The following STK33 variants were observed in gnomAD, a reference collection of about 807,000 sequenced individuals.
The protein encoded by STK33 is serine/threonine-protein kinase 33.
Under a neutral mutation model 58.0 loss-of-function variants are expected in STK33, and 52 were observed. The observed-to-expected ratio is 0.90, with a 90% CI of 0.72 to 1.13. The LOEUF is 1.13. STK33 is among the 50% of genes most tolerant of loss of function. The pLI, the probability that STK33 is intolerant of heterozygous loss-of-function variation, is 0.00. For missense variants in STK33, 630 were observed against 604.2 expected, an observed-to-expected ratio of 1.04 and a Z score of -0.45; for synonymous variants, 215 against 200.1, an observed-to-expected ratio of 1.07 and a Z score of -0.63.
At chr11:8,378,386 T>TG in the STK33 span, among the ~76,000 whole-genome samples, 59 of 105,436 alleles carry the variant, frequency 5.6e-4, no homozygotes, top group Non-Finnish European at 1.2e-3. Context: ...GGCATGGTGG[T>TG]GCATGCCTGT....
chr11:8,368,372 A>G, the STK33 span, among the ~76,000 whole-genome samples: 2 of 152,178 alleles, frequency 1.3e-5, no homozygotes, highest in Admixed American at 6.5e-5. Context: ...CTCTTGCCCA[A>G]GGAGGGTCCC....
the STK33 span, among the ~76,000 whole-genome samples, chr11:8,378,521 A>T: frequency 6.6e-6 from 1 of 152,222 alleles, no homozygotes; most frequent in Admixed American, 6.5e-5. Context: ...TCCATCTCAA[A>T]AAACAGACAA....
chr11:8,425,366 C>T (rs537894605), intron 14 of STK33, among the ~76,000 whole-genome samples: 26 of 152,208 alleles, frequency 1.7e-4, no homozygotes, highest in African/African-American at 5.5e-4. Context: ...GCTACCAGTA[C>T]CATGCTGTTT....
intron 6 of STK33, chr11:8,466,366 T>C (rs1457350892): frequency 2.0e-5 from 3 of 152,276 alleles, no homozygotes; most frequent in African/African-American, 7.2e-5. Context: ...TGGGTAAATA[T>C]AGCCATTACA....
chr11:8,391,357 A>G (rs1180444879), downstream of STK33, among the ~76,000 whole-genome samples: 1 of 152,248 alleles, frequency 6.6e-6, no homozygotes, highest in Middle Eastern at 3.2e-3. Flanking sequence ...CACTGAAGGT[A>G]CTAAGAAAAT....
At chr11:8,522,296 T>TA (rs1953529491) in intron 1 of STK33, among the ~76,000 whole-genome samples, 1 of 152,066 alleles carries the variant, frequency 6.6e-6, no homozygotes, top group Non-Finnish European at 1.5e-5. Flanking sequence ...TATGCAGCCA[T>TA]AAAAAGGATG....
At chr11:8,561,840 T>C (rs892517010) in intron 1 of STK33, among the ~76,000 whole-genome samples, 5 of 152,324 alleles carry the variant, frequency 3.3e-5, no homozygotes, top group Admixed American at 3.3e-4. Context: ...GAGGGATAAC[T>C]GGAACCACAG....
chr11:8,362,430 G>A, the STK33 span, among the ~76,000 whole-genome samples: 3 of 152,074 alleles, frequency 2.0e-5, no homozygotes, highest in African/African-American at 4.8e-5. Flanking sequence ...GCCCACACAC[G>A]GCTCCCCGTG....
At chr11:8,561,528 C>A (rs1957111090) in intron 1 of STK33, among the ~76,000 whole-genome samples, 1 of 152,124 alleles carries the variant, frequency 6.6e-6, no homozygotes, top group African/African-American at 2.4e-5. Flanking sequence ...CATCCTGTTT[C>A]AGTTCTTTTA....
chr11:8,573,008 A>G (rs555599857), intron 1 of STK33, among the ~76,000 whole-genome samples: 45 of 152,282 alleles, frequency 3.0e-4, no homozygotes, highest in Admixed American at 2.9e-3. Context: ...TCTAAACATG[A>G]CAAAAACTAC....
intron 9 of STK33, among the ~76,000 whole-genome samples, chr11:8,456,700 G>T (rs1424326629): frequency 6.6e-6 from 1 of 152,178 alleles, no homozygotes; most frequent in Non-Finnish European, 1.5e-5. Context: ...CCTAAGAATA[G>T]TAAGGCAATT....
At chr11:8,458,516 C>A (rs562940803) in intron 8 of STK33, among the ~76,000 whole-genome samples, 2 of 149,678 alleles carry the variant, frequency 1.3e-5, no homozygotes, top group African/African-American at 4.9e-5. Flanking sequence ...GGCATAGAAT[C>A]GAGACAAGAA....
At position 8,533,522 on chromosome 11, in the gene STK33, C is replaced by T. The variant is rs140202424; in HGVS notation, c.-465-52908G>A. On this transcript the variant is annotated intron_variant, in intron 1 of 15. Coordinates refer to ENST00000687296, the MANE Select transcript of STK33 (RefSeq NM_001352389.2). ...CTAGAAGAAAGAGGTGAAGATCAGC[C>T]AGGCGTGCCCAGACATGGAGTTTTT... 595 of 152,342 alleles carry T rather than the reference C, an allele frequency of 3.9e-3. 1 individual carries two copies. The highest frequency in any genetic ancestry group is 5.9e-3 in the Non-Finnish European group (404 of 68,070). 9.4% of individuals were successfully genotyped at this position (152,342 alleles called of 1,614,324 possible).
intron 11 of STK33, among the ~76,000 whole-genome samples, chr11:8,446,829 A>G (rs1023436894): frequency 3.9e-5 from 6 of 152,236 alleles, no homozygotes; most frequent in Non-Finnish European, 5.9e-5. Context: ...AAGATGGATT[A>G]AAGACTTAAA....
rs147101190 is a variant in STK33, at chr11:8,405,093, G to A, written c.1344+8402C>T. On this transcript the variant is annotated intron_variant, in intron 15 of 15. Transcript: ENST00000687296. ...GGAGGTTGCAGTGAGCTGAGATTGCGCCATTGCAATCCAGCCTGGGTGACA... is the reference window on the plus strand; with the variant it reads ...GGAGGTTGCAGTGAGCTGAGATTGCACCATTGCAATCCAGCCTGGGTGACA... 7.4e-4 allele frequency among the ~76,000 whole-genome samples: 112 copies of A among 152,142 alleles called. No homozygotes were observed. The East Asian group carries it at 0.01, about 14-fold the overall frequency.
intron 11 of STK33, among the ~76,000 whole-genome samples, chr11:8,445,925 A>G (rs530539745): frequency 4.6e-5 from 7 of 151,918 alleles, no homozygotes; most frequent in Admixed American, 3.3e-4. Context: ...CCCTCTTTCT[A>G]TTGTTTGGAA....
chr11:8,408,219 C>G (rs911982782), intron 15 of STK33, among the ~76,000 whole-genome samples: 1 of 152,050 alleles, frequency 6.6e-6, no homozygotes, highest in African/African-American at 2.4e-5. Flanking sequence ...TAAATGGACC[C>G]AAATTAATAC....
chr11:8,419,579 C>G (rs1436359936), intron 14 of STK33, among the ~76,000 whole-genome samples: 1 of 152,038 alleles, frequency 6.6e-6, no homozygotes, highest in Non-Finnish European at 1.5e-5. Flanking sequence ...TCTTTTGGTT[C>G]CATATGAATT....
intron 15 of STK33, among the ~76,000 whole-genome samples, chr11:8,401,835 C>T (rs2135317141): frequency 6.6e-6 from 1 of 152,310 alleles, no homozygotes; most frequent in South Asian, 2.1e-4. Context: ...CAAAAGAAGA[C>T]ATTTACGCAG....
Sources: allele counts gnomAD v4.1 joint callset (sites outside exome capture counted in the v4.1 genomes callset), GRCh38; gene constraint gnomAD v4.1.1; transcripts MANE v1.5; gene names NCBI Gene and HGNC (gene_info 2026-07-23, HGNC 2026-07-21).